The following CRISPLD2 variants were observed in gnomAD, a reference collection of about 807,000 sequenced individuals.
The protein encoded by CRISPLD2 is cysteine rich secretory protein LCCL domain containing 2, also known as cysteine-rich secretory protein LCCL domain-containing 2.
Under a neutral mutation model 71.1 loss-of-function variants are expected in CRISPLD2, and 47 were observed. The ratio of observed to expected loss-of-function variants is 0.66; its 90% confidence interval spans 0.52 to 0.84. CRISPLD2 has a LOEUF of 0.84. CRISPLD2 is among the 40% of genes least tolerant of loss of function. CRISPLD2 has a pLI of 0.00. For missense variants in CRISPLD2, 830 were observed against 651.1 expected (o/e 1.27, Z -2.99); for synonymous variants, 317 against 250.1 (o/e 1.27, Z -2.52).
At position 84,833,927 on chromosome 16, in the gene CRISPLD2, T is replaced by TA. The variant is rs113892467; in HGVS notation, c.-74-4495_-74-4494insA. 2.0e-4 allele frequency among the ~76,000 whole-genome samples: 31 copies of TA among 152,162 alleles called. 1 individual carries two copies. The highest frequency in any genetic ancestry group is 7.5e-4 in the African/African-American group (31 of 41,516). ...AACTTTAGGGCAAGATTCGGTTGTTTGGTTTGGGAGCCCCCTTCCCCCTGC... is the reference window on the plus strand; with the variant it reads ...AACTTTAGGGCAAGATTCGGTTGTTTAGGTTTGGGAGCCCCCTTCCCCCTGC... On this transcript the variant is annotated intron_variant, in intron 1 of 14. Coordinates refer to ENST00000262424, the MANE Select transcript of CRISPLD2 (RefSeq NM_031476.4).
rs1917382171 is a variant in CRISPLD2, at chr16:84,861,562, A to G, written c.710-5335A>G. On this transcript the variant is annotated intron_variant, in intron 6 of 14. Transcript: ENST00000262424. ...CTTCCTGCTTTATATCCTAGCTGCTATGGCAGCTGATTAGATGGTGCCCAC... is the reference window on the plus strand; with the variant it reads ...CTTCCTGCTTTATATCCTAGCTGCTGTGGCAGCTGATTAGATGGTGCCCAC... 2.0e-5 allele frequency among the ~76,000 whole-genome samples: 3 copies of G among 152,196 alleles called. No homozygotes were observed. The South Asian group carries it at 6.2e-4, about 32-fold the overall frequency.
chr16:84,840,505 C>CTGTT (rs879409837), intron 2 of CRISPLD2, among the ~76,000 whole-genome samples: 7 of 152,136 alleles, frequency 4.6e-5, no homozygotes, highest in South Asian at 4.2e-4. Context: ...TTTATTGTTT[C>CTGTT]TGTTTGTTTG....
At chr16:84,839,044 C>T in intron 2 of CRISPLD2, 1 of 465,790 alleles carries the variant, frequency 2.1e-6, no homozygotes, top group Non-Finnish European at 4.1e-6. Flanking sequence ...CACCATGGTG[C>T]CCAGCTAGAT....
intron 9 of CRISPLD2, 102 bp downstream of exon 9, chr16:84,872,610 C>T: frequency 9.7e-7 from 1 of 1,029,316 alleles, no homozygotes; most frequent in East Asian, 2.4e-5. Flanking sequence ...TCTTTCCACT[C>T]CTTAGTCAAA....
At chr16:84,865,042 G>T (rs1191499644) in intron 6 of CRISPLD2, among the ~76,000 whole-genome samples, 1 of 152,178 alleles carries the variant, frequency 6.6e-6, no homozygotes, top group Non-Finnish European at 1.5e-5. Flanking sequence ...TCGTTTGGCT[G>T]TTTGGTATTG....
At chr16:84,853,081 T>C (rs149783312) in intron 5 of CRISPLD2, among the ~76,000 whole-genome samples, 87 of 152,148 alleles carry the variant, frequency 5.7e-4, no homozygotes, top group African/African-American at 1.9e-3. Flanking sequence ...ATTAAGGAGA[T>C]TATTTGTCTG....
intron 13 of CRISPLD2, among the ~76,000 whole-genome samples, chr16:84,885,266 C>G (rs1243134624): frequency 5.3e-5 from 8 of 152,228 alleles, no homozygotes; most frequent in Admixed American, 5.2e-4. Context: ...CTCGCCCCCG[C>G]TCACGGCGAT....
At chr16:84,877,286 T>TACG (rs1202612764) in intron 11 of CRISPLD2, 152 bp from the exon 12 acceptor site, 1 of 577,302 alleles carries the variant, frequency 1.7e-6, no homozygotes, top group Non-Finnish European at 3.0e-6. Flanking sequence ...CTACGTGGGG[T>TACG]ACGAGGAGCC....
Position 84,906,806 on chromosome 16 carries a change from C to T in CRISPLD2, c.*164C>T, listed in dbSNP as rs1159689160. ...CTGTGGGTGAGGTGACATCTCATCC[C>T]CTCACTGAAGCAACAGCATCCCAAG... On this transcript the variant is annotated 3_prime_UTR_variant, in exon 15 of 15. Transcript: ENST00000262424. 1 of 806,810 alleles carries T rather than the reference C, an allele frequency of 1.2e-6. No individual in the cohort carries two copies. Among genetic ancestry groups the T allele is most frequent in the East Asian group, 2.7e-5 (1 of 37,470 alleles). 50.0% of individuals were successfully genotyped at this position (806,810 alleles called of 1,614,324 possible).
intron 13 of CRISPLD2, 110 bp from the exon 14 acceptor site, chr16:84,889,120 G>T: frequency 1.4e-6 from 2 of 1,382,056 alleles, no homozygotes; most frequent in South Asian, 1.2e-5. Context: ...GGTTGATGGG[G>T]TCCACATCCC....
At position 84,900,346 on chromosome 16, in the gene CRISPLD2, A is replaced by G. The variant is rs527661283; in HGVS notation, c.1440-6242A>G. On this transcript the variant is annotated intron_variant, in intron 14 of 14. Coordinates refer to ENST00000262424, the MANE Select transcript of CRISPLD2 (RefSeq NM_031476.4). Reference sequence around the variant, plus strand: ...GCCGGGGTCTCCTGGCTAGTCTGGCAGTTTCCAATCTGGGGGCTCTCTTTG... The same window carrying G: ...GCCGGGGTCTCCTGGCTAGTCTGGCGGTTTCCAATCTGGGGGCTCTCTTTG... 2.0e-5 allele frequency among the ~76,000 whole-genome samples: 3 copies of G among 152,278 alleles called. No individual in the cohort carries two copies. In the South Asian group the frequency reaches 6.2e-4, roughly 32 times the overall value.
chr16:84,887,816 C>T (rs1020638682), intron 13 of CRISPLD2, among the ~76,000 whole-genome samples: 3 of 152,012 alleles, frequency 2.0e-5, no homozygotes, highest in African/African-American at 7.3e-5. Flanking sequence ...ACAGAGGTTG[C>T]GATAAGCTGA....
intron 13 of CRISPLD2, among the ~76,000 whole-genome samples, chr16:84,881,583 C>T (rs1340226082): frequency 6.6e-6 from 1 of 152,324 alleles, no homozygotes; most frequent in South Asian, 2.1e-4. Flanking sequence ...AGGGAATCTT[C>T]TAGATCTAAA....
chr16:84,861,643 C>G (rs1392911487), intron 6 of CRISPLD2, among the ~76,000 whole-genome samples: 1 of 152,172 alleles, frequency 6.6e-6, no homozygotes, highest in Non-Finnish European at 1.5e-5. Flanking sequence ...CCTTCACAGA[C>G]ACACCCAGGA....
At position 84,909,002 on chromosome 16, in the gene CRISPLD2, T is replaced by G. The variant is rs2071829616; in HGVS notation, c.*2360T>G. 1 of 152,218 alleles carries G rather than the reference T, an allele frequency of 6.6e-6. No homozygotes were observed. The highest frequency in any genetic ancestry group is 1.5e-5 in the Non-Finnish European group (1 of 68,054). The allele number at this position is 152,218 out of a possible 1,614,324, so 9.4% of individuals were successfully genotyped here. A position where few individuals can be genotyped will look rare whatever the true frequency, so the allele number is the denominator to read the frequency against. ...CTGCGCCCGGCCATGGACCTGGCTGTCTTTATCATCCCCACAAACATTTTG... is the reference window on the plus strand; with the variant it reads ...CTGCGCCCGGCCATGGACCTGGCTGGCTTTATCATCCCCACAAACATTTTG... On this transcript the variant is annotated 3_prime_UTR_variant, in exon 15 of 15. Coordinates refer to ENST00000262424, the MANE Select transcript of CRISPLD2 (RefSeq NM_031476.4).
chr16:84,863,387 G>A (rs1352484584), intron 6 of CRISPLD2, among the ~76,000 whole-genome samples: 3 of 152,228 alleles, frequency 2.0e-5, no homozygotes, highest in Non-Finnish European at 4.4e-5. Context: ...CAGCTTATCT[G>A]CAGAAGCTAT....
chr16:84,891,209 G>C (rs185695343), intron 14 of CRISPLD2, among the ~76,000 whole-genome samples: 65 of 152,324 alleles, frequency 4.3e-4, no homozygotes, highest in African/African-American at 1.5e-3. Context: ...TTTGAGGGAC[G>C]TTCTTTAGAG....
At chr16:84,896,404 A>C (rs1293961524) in intron 14 of CRISPLD2, among the ~76,000 whole-genome samples, 1 of 152,162 alleles carries the variant, frequency 6.6e-6, no homozygotes, top group African/African-American at 2.4e-5. Context: ...ACACACACAC[A>C]GACACATACA....
At position 84,831,089 on chromosome 16, in the gene CRISPLD2, C is replaced by T. The variant is rs567545066; in HGVS notation, c.-74-7333C>T. Among the ~76,000 whole-genome samples the T allele has an allele frequency of 5.9e-5, 9 of 152,286 alleles. No individual in the cohort carries two copies. In the South Asian group the frequency reaches 1.0e-3, roughly 18 times the overall value. On this transcript the variant is annotated intron_variant, in intron 1 of 14. Coordinates refer to ENST00000262424, the MANE Select transcript of CRISPLD2 (RefSeq NM_031476.4). ...CAGGGAGGGAGGCTGAGAGTCAGAGCGGCTGCAATCCTGGGTGGGGAGCCC... is the reference window on the plus strand; with the variant it reads ...CAGGGAGGGAGGCTGAGAGTCAGAGTGGCTGCAATCCTGGGTGGGGAGCCC...
Sources: allele counts gnomAD v4.1 joint callset (sites outside exome capture counted in the v4.1 genomes callset), GRCh38; gene constraint gnomAD v4.1.1; transcripts MANE v1.5; gene names NCBI Gene and HGNC (gene_info 2026-07-23, HGNC 2026-07-21).